The following SUMF1 variants were observed in gnomAD, a reference collection of about 807,000 sequenced individuals.
SUMF1 encodes the protein formylglycine-generating enzyme.
Under a neutral mutation model 47.6 loss-of-function variants are expected in SUMF1, and 48 were observed. The observed-to-expected ratio is 1.01, with a 90% CI of 0.80 to 1.28. SUMF1 has a LOEUF of 1.28. Among genes scored for constraint, SUMF1 ranks in the 50% most tolerant of loss-of-function variants. The pLI, the probability that SUMF1 is intolerant of heterozygous loss-of-function variation, is 0.00. For missense variants in SUMF1, 571 were observed against 485.4 expected, an observed-to-expected ratio of 1.18 and a Z score of -1.66; for synonymous variants, 230 against 192.1, an observed-to-expected ratio of 1.20 and a Z score of -1.63.
intron 8 of SUMF1, among the ~76,000 whole-genome samples, chr3:4,229,034 C>T (rs193147640): frequency 6.8e-4 from 104 of 152,222 alleles, no homozygotes; most frequent in African/African-American, 2.4e-3. Flanking sequence ...CCTTCATTAT[C>T]AAGAAACTGT....
At chr3:4,073,010 A>G (rs1047892092) in intron 8 of SUMF1, among the ~76,000 whole-genome samples, 1 of 152,208 alleles carries the variant, frequency 6.6e-6, no homozygotes, top group African/African-American at 2.4e-5. Context: ...CCTCGAGAAG[A>G]GCAACCCAAA....
intron 8 of SUMF1, among the ~76,000 whole-genome samples, chr3:4,268,330 G>T (rs972323039): frequency 6.6e-6 from 1 of 152,032 alleles, no homozygotes; most frequent in Non-Finnish European, 1.5e-5. Flanking sequence ...TATACCTAAT[G>T]CTAGATGACA....
At chr3:4,410,424 C>T (rs534801646) in intron 7 of SUMF1, among the ~76,000 whole-genome samples, 42 of 152,316 alleles carry the variant, frequency 2.8e-4, no homozygotes, top group African/African-American at 1.0e-3. Flanking sequence ...AGAAAACACC[C>T]TTTCTCTTTC....
At chr3:4,179,883 G>C (rs550375218) in intron 8 of SUMF1, among the ~76,000 whole-genome samples, 1 of 152,090 alleles carries the variant, frequency 6.6e-6, no homozygotes, top group African/African-American at 2.4e-5. Context: ...AGTGGGCAAA[G>C]GATATGAACA....
chr3:4,201,789 C>A (rs1306154027), intron 8 of SUMF1, among the ~76,000 whole-genome samples: 1 of 151,986 alleles, frequency 6.6e-6, no homozygotes, highest in East Asian at 1.9e-4. Flanking sequence ...TTCTCCACAT[C>A]CTTGCCATGT....
chr3:4,415,226 C>CAA (rs35397535), intron 6 of SUMF1, among the ~76,000 whole-genome samples: 1,531 of 78,196 alleles, frequency 0.02, 45 homozygotes, highest in South Asian at 0.055. Context: ...GACTCCATCT[C>CAA]AAAAAAAAAA....
intron 8 of SUMF1, among the ~76,000 whole-genome samples, chr3:4,073,886 A>G (rs1195090255): frequency 6.6e-6 from 1 of 152,140 alleles, no homozygotes; most frequent in Non-Finnish European, 1.5e-5. Context: ...ACACAATAAT[A>G]ATGGGAGACT....
chr3:4,130,040 A>T (rs1344077152), intron 8 of SUMF1, among the ~76,000 whole-genome samples: 1 of 152,134 alleles, frequency 6.6e-6, no homozygotes, highest in Non-Finnish European at 1.5e-5. Flanking sequence ...ATCAAAAACA[A>T]TATCGCATCC....
chr3:4,086,987 T>G (rs1375972337), intron 8 of SUMF1, among the ~76,000 whole-genome samples: 1 of 152,178 alleles, frequency 6.6e-6, no homozygotes, highest in Non-Finnish European at 1.5e-5. Context: ...TGGGTATGTC[T>G]TTATCAGTAG....
In SUMF1 at chr3:4,448,410, G is replaced by C. The variant is rs556070290; in HGVS notation, c.519+856C>G. 2.0e-5 allele frequency among the ~76,000 whole-genome samples: 3 copies of C among 150,196 alleles called. No homozygotes were observed. The South Asian group carries it at 6.2e-4, about 31-fold the overall frequency. ...AGGAAGATGAGGGCTGGATTCCTTC[G>C]TCTTCAATGCCTCTAGCTTCATCAG... On this transcript the variant is annotated intron_variant, in intron 3 of 8. Transcript: ENST00000272902.
chr3:4,178,352 T>G (rs1336274754), intron 8 of SUMF1, among the ~76,000 whole-genome samples: 1 of 152,148 alleles, frequency 6.6e-6, no homozygotes, highest in African/African-American at 2.4e-5. Flanking sequence ...CACAATCAAT[T>G]TGGCTTCATC....
At chr3:4,448,263 CA>C (rs1157058245) in intron 3 of SUMF1, among the ~76,000 whole-genome samples, 2 of 152,142 alleles carry the variant, frequency 1.3e-5, no homozygotes, top group Non-Finnish European at 1.5e-5. Context: ...AAAGAGAAAG[CA>C]AACATAAGCC....
chr3:4,043,345 A>G (rs1439212669), intron 9 of SUMF1, among the ~76,000 whole-genome samples: 1 of 152,072 alleles, frequency 6.6e-6, no homozygotes, highest in Non-Finnish European at 1.5e-5. Flanking sequence ...TTTAAATTGT[A>G]CCTTTATTCA....
chr3:4,107,976 G>A (rs1281483038), intron 8 of SUMF1, among the ~76,000 whole-genome samples: 1 of 152,048 alleles, frequency 6.6e-6, no homozygotes, highest in Non-Finnish European at 1.5e-5. Flanking sequence ...AGGAGGTCAG[G>A]AAAGAGATGG....
At chr3:4,167,059 C>T (rs1468192895) in intron 8 of SUMF1, among the ~76,000 whole-genome samples, 1 of 152,012 alleles carries the variant, frequency 6.6e-6, no homozygotes, top group South Asian at 2.1e-4. Flanking sequence ...CGTGGCGATA[C>T]CCCGGATAAG....
chr3:4,222,439 T>TCACA (rs1696086676), intron 8 of SUMF1, among the ~76,000 whole-genome samples: 1 of 152,020 alleles, frequency 6.6e-6, no homozygotes, highest in African/African-American at 2.4e-5. Flanking sequence ...GTTCTTTCAC[T>TCACA]CACACAACCA....
chr3:4,141,859 G>A (rs919173354), intron 8 of SUMF1, among the ~76,000 whole-genome samples: 2 of 152,078 alleles, frequency 1.3e-5, no homozygotes, highest in African/African-American at 4.8e-5. Context: ...CAAAATGAAG[G>A]TTTGGGACCT....
At chr3:4,219,405 A>C (rs144781579) in intron 8 of SUMF1, among the ~76,000 whole-genome samples, 1 of 152,268 alleles carries the variant, frequency 6.6e-6, no homozygotes, top group East Asian at 1.9e-4. Context: ...GATGGAACCC[A>C]CACTCATATC....
At chr3:4,343,274 G>A (rs1699309217) in intron 8 of SUMF1, among the ~76,000 whole-genome samples, 2 of 152,174 alleles carry the variant, frequency 1.3e-5, no homozygotes, top group Non-Finnish European at 2.9e-5. Flanking sequence ...CAAACAAGCC[G>A]TATGTAGGAA....
Sources: gnomAD v4.1 joint callset for allele counts (sites outside exome capture counted in the v4.1 genomes callset) on GRCh38, gnomAD v4.1.1 for gene constraint, MANE v1.5 for transcripts, NCBI Gene and HGNC (gene_info 2026-07-23, HGNC 2026-07-21) for gene names.